The following TMEM132C variants were observed in gnomAD, a reference collection of about 807,000 sequenced individuals.
TMEM132C encodes transmembrane protein 132C, also known as protein phosphatase 1, regulatory subunit 152.
In TMEM132C, 29 loss-of-function variants were observed where a neutral mutation model predicts 61.4. The observed-to-expected ratio is 0.47, with a 90% CI of 0.35 to 0.64. TMEM132C has a LOEUF of 0.64. TMEM132C is among the 30% of genes least tolerant of loss of function. TMEM132C has a pLI of 0.00. For synonymous variants in TMEM132C, 656 were observed against 633.1 expected, an observed-to-expected ratio of 1.04 and a Z score of -0.54; for missense variants, 1,408 against 1,476.9, an observed-to-expected ratio of 0.95 and a Z score of 0.76.
intron 3 of TMEM132C, among the ~76,000 whole-genome samples, chr12:128,562,107 C>T (rs1054349165): frequency 4.6e-5 from 7 of 152,214 alleles, no homozygotes; most frequent in African/African-American, 1.7e-4. Flanking sequence ...ACAGCCTCCG[C>T]AAAACTGGAA....
In TMEM132C at chr12:128,440,768, G is replaced by A. The variant is rs139703380; in HGVS notation, c.974+25148G>A. 2.6e-4 allele frequency among the ~76,000 whole-genome samples: 40 copies of A among 152,320 alleles called. 1 individual carries two copies. The highest frequency in any genetic ancestry group is 9.4e-4 in the African/African-American group (39 of 41,568). ...GGTGGATATACAAAAAGCAAGAACA[G>A]CCAGGCACGTTGGCTCACACCTGTA... is the stretch of plus-strand genomic sequence containing the variant. On this transcript the variant is annotated intron_variant, in intron 2 of 8. Coordinates refer to ENST00000435159, the MANE Select transcript of TMEM132C (RefSeq NM_001136103.3).
intron 1 of TMEM132C, among the ~76,000 whole-genome samples, chr12:128,411,315 A>G (rs747853322): frequency 6.6e-6 from 1 of 152,218 alleles, no homozygotes; most frequent in Non-Finnish European, 1.5e-5. Flanking sequence ...GCATCCTCTT[A>G]TGACCTTTGC....
At chr12:128,402,006 G>C (rs904167815) in intron 1 of TMEM132C, among the ~76,000 whole-genome samples, 8 of 152,202 alleles carry the variant, frequency 5.3e-5, no homozygotes, top group African/African-American at 1.9e-4. Context: ...GAGATGGGGG[G>C]ACTATCCTGG....
chr12:128,437,400 A>G (rs889183958), intron 2 of TMEM132C, among the ~76,000 whole-genome samples: 9 of 152,180 alleles, frequency 5.9e-5, no homozygotes, highest in Admixed American at 5.9e-4. Context: ...GCTGTCATGA[A>G]CTCAGGATCT....
intron 2 of TMEM132C, among the ~76,000 whole-genome samples, chr12:128,492,716 A>G (rs1871785800): frequency 6.6e-6 from 1 of 151,798 alleles, no homozygotes; most frequent in African/African-American, 2.4e-5. Context: ...TTTTCTTGTA[A>G]ATTTGTTTGA....
chr12:128,608,002 A>C (rs1238697757), intron 3 of TMEM132C, among the ~76,000 whole-genome samples: 1 of 152,158 alleles, frequency 6.6e-6, no homozygotes, highest in Non-Finnish European at 1.5e-5. Flanking sequence ...GAAGGAAGGG[A>C]TGCAAATGTC....
chr12:128,315,476 AG>A lies in TMEM132C; in HGVS notation c.85+47990del, dbSNP rs201691915. On this transcript the variant is annotated intron_variant, in intron 1 of 8. Transcript: ENST00000435159. ...GCCATTTCAGATGAGATTTGCTGCC[AG>A]TCCTGCCAGGGTAACGATAGCCTTT... Among the ~76,000 whole-genome samples, 814 of 152,230 alleles carry A rather than the reference AG, an allele frequency of 5.3e-3. 4 individuals carry two copies. The highest frequency in any genetic ancestry group is 0.018 in the African/African-American group (767 of 41,520).
chr12:128,405,161 A>G (rs1443011301), intron 1 of TMEM132C, among the ~76,000 whole-genome samples: 1 of 152,122 alleles, frequency 6.6e-6, no homozygotes, highest in Non-Finnish European at 1.5e-5. Context: ...GAGTAAGAGG[A>G]AAGACATTTG....
At chr12:128,661,686 A>G (rs2135621295) in intron 4 of TMEM132C, among the ~76,000 whole-genome samples, 1 of 152,364 alleles carries the variant, frequency 6.6e-6, no homozygotes, top group East Asian at 1.9e-4. Context: ...TAGAAAAGGC[A>G]CACAATGGAA....
intron 2 of TMEM132C, among the ~76,000 whole-genome samples, chr12:128,418,708 G>T (rs189786387): frequency 6.6e-6 from 1 of 152,190 alleles, no homozygotes; most frequent in South Asian, 2.1e-4. Context: ...ATTGTTAACC[G>T]AACTACAGAG....
rs1565950566 is a variant in TMEM132C, at chr12:128,486,907, ACACACACACACACAG to A, written c.975-57048_975-57034del. 8.7e-4 allele frequency among the ~76,000 whole-genome samples: 105 copies of A among 120,016 alleles called. 1 individual carries two copies. The highest frequency in any genetic ancestry group is 4.2e-3 in the Middle Eastern group (1 of 236). The allele number at this position is 120,016 out of a possible 152,430, so 78.7% of individuals were successfully genotyped here. ...CACACACACACACACACACACACAC[ACACACACACACACAG>A]CTCAGCACTTTTAGTGCTAGTACTA... On this transcript the variant is annotated intron_variant, in intron 2 of 8. Coordinates refer to ENST00000435159, the MANE Select transcript of TMEM132C (RefSeq NM_001136103.3).
chr12:128,524,355 G>T (rs1416400948), intron 2 of TMEM132C, among the ~76,000 whole-genome samples: 1 of 152,156 alleles, frequency 6.6e-6, no homozygotes, highest in Admixed American at 6.5e-5. Context: ...AAGTGCTGCC[G>T]TTTGATGTGA....
Position 128,278,807 on chromosome 12 carries a change from T to G in TMEM132C, c.85+11320T>G, listed in dbSNP as rs1215572317. On this transcript the variant is annotated intron_variant, in intron 1 of 8. Coordinates refer to ENST00000435159, the MANE Select transcript of TMEM132C (RefSeq NM_001136103.3). The surrounding 1 kb of genome is among the most constrained non-coding windows in gnomAD (Gnocchi z 4.2). The stretch of plus-strand genomic sequence containing the variant: ...GTGTGTTTGGGTGAGATTAACAAAT[T>G]GGTGGATTTTGATAAAACAGGTTAC... Among the ~76,000 whole-genome samples, 4 of 150,708 alleles carry G rather than the reference T, an allele frequency of 2.7e-5. No individual in the cohort carries two copies. The highest frequency in any genetic ancestry group is 9.8e-5 in the African/African-American group (4 of 40,920).
chr12:128,573,427 G>T (rs1593104575), intron 3 of TMEM132C, among the ~76,000 whole-genome samples: 2 of 151,212 alleles, frequency 1.3e-5, no homozygotes, highest in African/African-American at 2.4e-5. Context: ...ATAGGACGGG[G>T]AACATCACAC....
intron 2 of TMEM132C, among the ~76,000 whole-genome samples, chr12:128,491,749 C>G (rs1871731945): frequency 6.6e-6 from 1 of 152,044 alleles, no homozygotes; most frequent in African/African-American, 2.4e-5. Context: ...TGTACCGGCT[C>G]TCAACTGCAC....
chr12:128,337,510 G>A (rs1270671852), intron 1 of TMEM132C, among the ~76,000 whole-genome samples: 4 of 152,170 alleles, frequency 2.6e-5, no homozygotes, highest in African/African-American at 7.2e-5. Flanking sequence ...CCACCAATAC[G>A]AAATGTTTTG....
intron 3 of TMEM132C, among the ~76,000 whole-genome samples, chr12:128,562,062 C>T (rs144924765): frequency 0.011 from 1,675 of 152,192 alleles, 33 homozygotes; most frequent in African/African-American, 0.038. Flanking sequence ...GGATCCAATG[C>T]GCGTCTACCT....
At chr12:128,413,342 C>G (rs1868638118) in intron 1 of TMEM132C, among the ~76,000 whole-genome samples, 2 of 131,038 alleles carry the variant, frequency 1.5e-5, no homozygotes, top group African/African-American at 2.8e-5. Context: ...AATAAATGAT[C>G]TTGTGTGTAT....
intron 1 of TMEM132C, among the ~76,000 whole-genome samples, chr12:128,295,065 A>T (rs765120772): frequency 3.6e-5 from 5 of 139,658 alleles, no homozygotes; most frequent in Non-Finnish European, 6.3e-5. Flanking sequence ...TAAAAAATTG[A>T]GAAAGAAATG....
Sources: gnomAD v4.1 joint callset for allele counts (sites outside exome capture counted in the v4.1 genomes callset) on GRCh38, gnomAD v4.1.1 for gene constraint, Gnocchi (gnomAD v3.1) non-coding constraint, MANE v1.5 for transcripts, NCBI Gene and HGNC (gene_info 2026-07-23, HGNC 2026-07-21) for gene names.